The following KCNAB1 variants were observed in gnomAD, a reference collection of about 807,000 sequenced individuals.
KCNAB1 encodes the protein voltage-gated potassium channel subunit beta-1.
In KCNAB1, 35 loss-of-function variants were observed where a neutral mutation model predicts 64.6. The observed-to-expected ratio is 0.54, with a 90% CI of 0.41 to 0.72. The LOEUF (loss-of-function observed/expected upper bound fraction) is 0.72, where lower values mean the gene tolerates loss of function less well. Ranked by LOEUF, KCNAB1 falls within the 30% of genes least tolerant of loss-of-function variation. The probability of loss-of-function intolerance (pLI) is 0.00; values close to 1 mark genes in which losing one functional copy is unlikely to be tolerated. For missense variants in KCNAB1, 401 were observed against 512.9 expected (o/e 0.78, Z 2.11); for synonymous variants, 177 against 183.8 (o/e 0.96, Z 0.30).
chr3:156,247,801 G>T (rs1182073073), intron 1 of KCNAB1, among the ~76,000 whole-genome samples: 2 of 152,286 alleles, frequency 1.3e-5, no homozygotes, highest in South Asian at 4.1e-4. Context: ...CTGGGATCAA[G>T]TGATCTGCCC....
chr3:156,141,702 A>G (rs1194745019), intron 1 of KCNAB1, among the ~76,000 whole-genome samples: 1 of 152,220 alleles, frequency 6.6e-6, no homozygotes, highest in East Asian at 1.9e-4. Flanking sequence ...GATTTTGGCT[A>G]TTATGAATAA....
chr3:156,450,845 T>C (rs1481951345), intron 2 of KCNAB1, among the ~76,000 whole-genome samples: 2 of 148,574 alleles, frequency 1.3e-5, no homozygotes, highest in Non-Finnish European at 2.9e-5. Flanking sequence ...TTTGTCTGGA[T>C]ACACTTCCCA....
intron 1 of KCNAB1, chr3:156,290,952 G>A: frequency 2.0e-6 from 2 of 984,946 alleles, no homozygotes; most frequent in Non-Finnish European, 2.4e-6. Context: ...TTCAAGCTGT[G>A]TTTCAGCAAG....
chr3:156,360,993 T>A (rs971242957), intron 1 of KCNAB1, among the ~76,000 whole-genome samples: 1 of 152,176 alleles, frequency 6.6e-6, no homozygotes, highest in Non-Finnish European at 1.5e-5. Flanking sequence ...CCAGTGATAC[T>A]TTTTTAAACC....
At chr3:156,517,234 C>A (rs73166595) in intron 11 of KCNAB1, among the ~76,000 whole-genome samples, 10,996 of 152,274 alleles carry the variant, frequency 0.072, 518 homozygotes, top group Middle Eastern at 0.19. Context: ...CAAGTCTGAA[C>A]CACCAATCCT....
intron 1 of KCNAB1, among the ~76,000 whole-genome samples, chr3:156,334,821 C>T (rs180924650): frequency 3.1e-4 from 47 of 152,218 alleles, no homozygotes; most frequent in Admixed American, 2.0e-3. Flanking sequence ...CCTCTATACC[C>T]GTCAGAACTC....
chr3:156,463,434 T>A (rs1419013699), intron 5 of KCNAB1, among the ~76,000 whole-genome samples: 2 of 152,152 alleles, frequency 1.3e-5, no homozygotes, highest in African/African-American at 4.8e-5. Context: ...CAGTTCCCAA[T>A]CTGACTTGTT....
chr3:156,360,570 T>G (rs535981303), intron 1 of KCNAB1, among the ~76,000 whole-genome samples: 1 of 152,074 alleles, frequency 6.6e-6, no homozygotes. Context: ...AAAAATTAGC[T>G]AGGCATGGTA....
At chr3:156,498,467 G>A (rs1171694561) in intron 8 of KCNAB1, among the ~76,000 whole-genome samples, 1 of 152,150 alleles carries the variant, frequency 6.6e-6, no homozygotes, top group African/African-American at 2.4e-5. Context: ...AAATACAGGA[G>A]TTTCCCTGCA....
At position 156,457,553 on chromosome 3, in the gene KCNAB1, G is replaced by A. The variant is rs1712537316; in HGVS notation, c.437+21G>A. The A allele has an allele frequency of 2.5e-6, 4 of 1,603,048 alleles. No individual in the cohort carries two copies. The East Asian group carries it at 8.9e-5, about 36-fold the overall frequency. On this transcript the variant is annotated intron_variant, in intron 4 of 13. Coordinates refer to ENST00000490337, the MANE Select transcript of KCNAB1 (RefSeq NM_172160.3). Reference sequence around the variant, plus strand: ...GGAAAGTAAGTCAGTACCTGTTTGTGTCACTCAAATGGCATCTGTAGCACC... The same window carrying A: ...GGAAAGTAAGTCAGTACCTGTTTGTATCACTCAAATGGCATCTGTAGCACC...
intron 1 of KCNAB1, among the ~76,000 whole-genome samples, chr3:156,173,045 CAT>C (rs1318116487): frequency 4.6e-5 from 7 of 152,336 alleles, no homozygotes; most frequent in African/African-American, 1.7e-4. Flanking sequence ...TCATTGAAAG[CAT>C]CTGGCAAGTG....
chr3:156,168,279 G>A (rs76412240), intron 1 of KCNAB1, among the ~76,000 whole-genome samples: 284 of 151,360 alleles, frequency 1.9e-3, no homozygotes, highest in African/African-American at 6.7e-3. Context: ...CAGCATATAA[G>A]TATCTATCAA....
At chr3:156,352,399 G>A (rs1457999706) in intron 1 of KCNAB1, among the ~76,000 whole-genome samples, 1 of 152,172 alleles carries the variant, frequency 6.6e-6, no homozygotes, top group Non-Finnish European at 1.5e-5. Flanking sequence ...ATTCTGTGGT[G>A]TCACAGCCGC....
intron 1 of KCNAB1, among the ~76,000 whole-genome samples, chr3:156,346,144 C>T (rs1446423688): frequency 6.6e-6 from 1 of 151,386 alleles, no homozygotes; most frequent in Non-Finnish European, 1.5e-5. Context: ...ACTATATGAA[C>T]ACGGAAAACT....
At chr3:156,357,748 A>T (rs935254911) in intron 1 of KCNAB1, among the ~76,000 whole-genome samples, 8 of 150,832 alleles carry the variant, frequency 5.3e-5, no homozygotes, top group Admixed American at 1.3e-4. Context: ...CATGATTCAG[A>T]TACCTTATCA....
intron 8 of KCNAB1, among the ~76,000 whole-genome samples, chr3:156,504,372 TGA>T (rs965939890): frequency 6.6e-6 from 1 of 152,336 alleles, no homozygotes; most frequent in African/African-American, 2.4e-5. Flanking sequence ...GAAATAAACA[TGA>T]GAGTGCAGGT....
rs149561746 is a variant in KCNAB1, at chr3:156,520,118, C to T, written c.961-3709C>T. On this transcript the variant is annotated intron_variant, in intron 11 of 13. Coordinates refer to ENST00000490337, the MANE Select transcript of KCNAB1 (RefSeq NM_172160.3). Reference sequence around the variant, plus strand: ...CCTGCTCATCTGACTCATCACAGAGCCTGATGAGTACGTAAGAGGTACATA... The same window carrying T: ...CCTGCTCATCTGACTCATCACAGAGTCTGATGAGTACGTAAGAGGTACATA... 3.9e-5 allele frequency among the ~76,000 whole-genome samples: 6 copies of T among 152,226 alleles called. No homozygotes were observed. In the East Asian group the frequency reaches 1.2e-3, roughly 29 times the overall value.
intron 1 of KCNAB1, among the ~76,000 whole-genome samples, chr3:156,321,165 T>C (rs116617079): frequency 1.9e-4 from 29 of 152,330 alleles, no homozygotes; most frequent in African/African-American, 6.7e-4. Flanking sequence ...TTTCTTTTCA[T>C]TCACATTTAG....
chr3:156,279,781 G>T (rs1013701575), intron 1 of KCNAB1, among the ~76,000 whole-genome samples: 4 of 152,150 alleles, frequency 2.6e-5, no homozygotes, highest in Non-Finnish European at 5.9e-5. Flanking sequence ...AGAAGTGTCT[G>T]TTCATATCCT....
Sources: gnomAD v4.1 joint callset for allele counts (sites outside exome capture counted in the v4.1 genomes callset) on GRCh38, gnomAD v4.1.1 for gene constraint, MANE v1.5 for transcripts, NCBI Gene and HGNC (gene_info 2026-07-23, HGNC 2026-07-21) for gene names.